The following MGAT4C variants were observed in gnomAD, a reference collection of about 807,000 sequenced individuals.
MGAT4C encodes the protein alpha-1,3-mannosyl-glycoprotein 4-beta-N-acetylglucosaminyltransferase C.
A neutral mutation model predicts 40.1 loss-of-function variants in MGAT4C; 19 were observed. The observed-to-expected ratio is 0.47, with a 90% CI of 0.33 to 0.70. The LOEUF (loss-of-function observed/expected upper bound fraction) is 0.70. MGAT4C is among the 30% of genes least tolerant of loss of function. The pLI, the probability that MGAT4C is intolerant of heterozygous loss-of-function variation, is 0.02. For synonymous variants in MGAT4C, 181 were observed against 187.1 expected, an observed-to-expected ratio of 0.97 and a Z score of 0.27; for missense variants, 491 against 563.2, an observed-to-expected ratio of 0.87 and a Z score of 1.30.
intron 2 of MGAT4C, among the ~76,000 whole-genome samples, chr12:86,672,905 G>GA (rs886448152): frequency 1.3e-5 from 2 of 151,100 alleles, no homozygotes; most frequent in African/African-American, 4.8e-5. Context: ...TCTAAAAGTT[G>GA]AAAAAAATAT....
intron 4 of MGAT4C, among the ~76,000 whole-genome samples, chr12:86,299,890 C>T (rs983485190): frequency 6.6e-6 from 1 of 152,058 alleles, no homozygotes; most frequent in African/African-American, 2.4e-5. Context: ...GTCAGAAAAT[C>T]AAGTGGAAGA....
rs887800519 is a variant in MGAT4C at position 85,958,805 on chromosome 12, TAG to T, written c.*20482_*20483del. 6.6e-6 allele frequency: 1 copy of T among 152,070 alleles called. No individual in the cohort carries two copies. The highest frequency in any genetic ancestry group is 2.4e-5 in the African/African-American group (1 of 41,440). The allele number at this position is 152,070 out of a possible 1,614,324, so 9.4% of individuals were successfully genotyped here. A position where few individuals can be genotyped will look rare whatever the true frequency, so the allele number is the denominator to read the frequency against. ...CCTTCAAAAACATAAATGTATTCTT[TAG>T]AGAGTTAAAAAAAGTAGCAATAAAA... On this transcript the variant is annotated 3_prime_UTR_variant, in exon 5 of 5. Coordinates refer to ENST00000611864, the MANE Select transcript of MGAT4C (RefSeq NM_001351288.2).
At chr12:86,220,911 C>G (rs903574067) in intron 1 of MGAT4C, among the ~76,000 whole-genome samples, 4 of 152,060 alleles carry the variant, frequency 2.6e-5, no homozygotes, top group African/African-American at 9.7e-5. Flanking sequence ...ATTAGAAATC[C>G]GTCTCAAATA....
At chr12:86,430,509 A>G (rs1957013917) in intron 3 of MGAT4C, among the ~76,000 whole-genome samples, 2 of 152,094 alleles carry the variant, frequency 1.3e-5, no homozygotes, top group African/African-American at 4.8e-5. Flanking sequence ...TTAGTGGGCT[A>G]TTGACTTTGT....
At chr12:86,725,609 C>G (rs992745802) in intron 2 of MGAT4C, among the ~76,000 whole-genome samples, 4 of 151,984 alleles carry the variant, frequency 2.6e-5, no homozygotes, top group African/African-American at 7.2e-5. Flanking sequence ...TACAGGCGCA[C>G]GCTGCCTCGC....
chr12:86,590,671 A>G (rs540455659), intron 2 of MGAT4C, among the ~76,000 whole-genome samples: 2 of 152,132 alleles, frequency 1.3e-5, no homozygotes, highest in East Asian at 3.9e-4. Context: ...CAGGCATACA[A>G]CAAAATGACA....
At chr12:86,481,926 G>A (rs1419660188) in intron 2 of MGAT4C, among the ~76,000 whole-genome samples, 1 of 151,562 alleles carries the variant, frequency 6.6e-6, no homozygotes, top group Non-Finnish European at 1.5e-5. Flanking sequence ...TTAACAATAT[G>A]TTCTAAATAC....
intron 2 of MGAT4C, among the ~76,000 whole-genome samples, chr12:86,529,301 A>G (rs146068215): frequency 8.5e-5 from 13 of 152,218 alleles, no homozygotes; most frequent in African/African-American, 2.9e-4. Flanking sequence ...ATCTTTGGGT[A>G]TGAGGCAATT....
chr12:86,190,107 T>G (rs1889209274), intron 1 of MGAT4C, among the ~76,000 whole-genome samples: 1 of 152,034 alleles, frequency 6.6e-6, no homozygotes, highest in African/African-American at 2.4e-5. Flanking sequence ...GAATTTCCAC[T>G]TAGCTCTCAA....
At chr12:86,826,427 T>C (rs2136231808) in intron 1 of MGAT4C, among the ~76,000 whole-genome samples, 1 of 151,546 alleles carries the variant, frequency 6.6e-6, no homozygotes, top group East Asian at 1.9e-4. Flanking sequence ...GTTGACCCCA[T>C]TTTACAAATA....
At chr12:86,023,651 A>G (rs1889984997) in intron 2 of MGAT4C, among the ~76,000 whole-genome samples, 1 of 149,770 alleles carries the variant, frequency 6.7e-6, no homozygotes, top group Admixed American at 6.7e-5. Context: ...TTATATAAAT[A>G]TAATAAAATT....
chr12:86,370,907 GC>G (rs1955701859), intron 3 of MGAT4C, among the ~76,000 whole-genome samples: 1 of 152,072 alleles, frequency 6.6e-6, no homozygotes, highest in Non-Finnish European at 1.5e-5. Flanking sequence ...TAGTGGGATG[GC>G]AGAGGGGTGA....
intron 2 of MGAT4C, among the ~76,000 whole-genome samples, chr12:86,443,701 C>T (rs1188740250): frequency 2.0e-5 from 3 of 152,176 alleles, no homozygotes; most frequent in African/African-American, 4.8e-5. Context: ...TCACACCATT[C>T]TCCCGCCTCA....
intron 1 of MGAT4C, among the ~76,000 whole-genome samples, chr12:86,253,000 C>G (rs1296381362): frequency 1.3e-5 from 2 of 151,660 alleles, no homozygotes; most frequent in Non-Finnish European, 2.9e-5. Flanking sequence ...TTCACAAAAC[C>G]CAAATATAAT....
intron 3 of MGAT4C, among the ~76,000 whole-genome samples, chr12:86,387,912 T>C (rs1956086367): frequency 6.6e-6 from 1 of 152,160 alleles, no homozygotes; most frequent in African/African-American, 2.4e-5. Context: ...TATGACAAAA[T>C]ACTCTATTGT....
intron 1 of MGAT4C, among the ~76,000 whole-genome samples, chr12:86,106,893 A>C (rs868237334): frequency 6.6e-6 from 1 of 152,122 alleles, no homozygotes; most frequent in African/African-American, 2.4e-5. Flanking sequence ...CCAAATCCAC[A>C]TTTTCCTTAG....
At chr12:86,770,946 T>A (rs4315154) in intron 1 of MGAT4C, among the ~76,000 whole-genome samples, 58,579 of 151,924 alleles carry the variant, frequency 0.39, 11,425 homozygotes, top group Non-Finnish European at 0.42. Flanking sequence ...AGTTCATAAC[T>A]GTCAATACCT....
chr12:86,563,042 A>G (rs1263722082), intron 2 of MGAT4C, among the ~76,000 whole-genome samples: 1 of 152,062 alleles, frequency 6.6e-6, no homozygotes, highest in Non-Finnish European at 1.5e-5. Flanking sequence ...GGGGTGCTGG[A>G]GAGGATTAGT....
At position 86,073,490 on chromosome 12, in the gene MGAT4C, G is replaced by A. The variant is rs1033066305; in HGVS notation, c.-56-23767C>T. On this transcript the variant is annotated intron_variant, in intron 1 of 4. Coordinates refer to ENST00000611864, the MANE Select transcript of MGAT4C (RefSeq NM_001351288.2). ...GCCCAGAAGAAGACAGGAAAATGTGGGAAAGTTTGGAGCTTCCTGGAGACT... is the reference window on the plus strand; with the variant it reads ...GCCCAGAAGAAGACAGGAAAATGTGAGAAAGTTTGGAGCTTCCTGGAGACT... Among the ~76,000 whole-genome samples, 3 of 152,260 alleles carry A rather than the reference G, an allele frequency of 2.0e-5. No homozygotes were observed. In the South Asian group the frequency reaches 6.2e-4, roughly 32 times the overall value.
Sources: allele counts gnomAD v4.1 joint callset (sites outside exome capture counted in the v4.1 genomes callset), GRCh38; gene constraint gnomAD v4.1.1; transcripts MANE v1.5; gene names NCBI Gene and HGNC (gene_info 2026-07-23, HGNC 2026-07-21).